Variants in BCAT1 observed in about 807,000 individuals in gnomAD.
BCAT1 encodes branched-chain-amino-acid aminotransferase, cytosolic.
BCAT1 carries 48 observed loss-of-function variants against 52.4 expected under a neutral mutation model. The observed-to-expected ratio is 0.92, with a 90% CI of 0.73 to 1.16. The LOEUF is 1.16. Ranked by LOEUF, BCAT1 falls within the 50% of genes most tolerant of loss-of-function variation. The probability of loss-of-function intolerance (pLI) is 0.00; values close to 1 mark genes in which losing one functional copy is unlikely to be tolerated. For missense variants in BCAT1, 451 were observed against 457.1 expected (o/e 0.99, Z 0.12); for synonymous variants, 167 against 161.3 (o/e 1.04, Z -0.27).
chr12:24,865,454 TATAAC>T (rs1452120177), intron 5 of BCAT1, among the ~76,000 whole-genome samples: 5 of 152,228 alleles, frequency 3.3e-5, no homozygotes, highest in African/African-American at 1.2e-4. Flanking sequence ...GGGATATAAC[TATAAC>T]ATAAATTTCT....
At chr12:24,876,133 A>G (rs1373374881) in intron 5 of BCAT1, among the ~76,000 whole-genome samples, 1 of 152,074 alleles carries the variant, frequency 6.6e-6, no homozygotes, top group Non-Finnish European at 1.5e-5. Flanking sequence ...TGTGTACTCA[A>G]AGTAAGTTTC....
At chr12:24,947,166 TCC>T (rs1491424890) in intron 1 of BCAT1, among the ~76,000 whole-genome samples, 4 of 92,486 alleles carry the variant, frequency 4.3e-5, no homozygotes, top group African/African-American at 8.9e-5. Flanking sequence ...CCGTCTTCCC[TCC>T]ACACACACAC....
intron 1 of BCAT1, among the ~76,000 whole-genome samples, chr12:24,928,319 G>A (rs1023164597): frequency 1.3e-5 from 2 of 152,042 alleles, no homozygotes. Context: ...TTATTGTCCT[G>A]TACCTAACTC....
At chr12:24,823,757 C>T (rs1214900768) in intron 10 of BCAT1, among the ~76,000 whole-genome samples, 1 of 152,170 alleles carries the variant, frequency 6.6e-6, no homozygotes, top group African/African-American at 2.4e-5. Flanking sequence ...TCCGCCATGA[C>T]TGTAAGTTTC....
chr12:24,840,214 T>C (rs1941133650), intron 7 of BCAT1, among the ~76,000 whole-genome samples: 1 of 152,250 alleles, frequency 6.6e-6, no homozygotes, highest in African/African-American at 2.4e-5. Flanking sequence ...GGTTAAATCA[T>C]GTAGCTCTGA....
At chr12:24,885,776 C>T (rs985637752) in intron 3 of BCAT1, among the ~76,000 whole-genome samples, 8 of 152,018 alleles carry the variant, frequency 5.3e-5, no homozygotes, top group South Asian at 2.1e-4. Context: ...CATGACATAT[C>T]AGAGGGGAAA....
At chr12:24,842,369 A>T in intron 6 of BCAT1, 145 bp from the exon 7 acceptor site, 2 of 863,292 alleles carry the variant, frequency 2.3e-6, no homozygotes, top group Admixed American at 6.3e-5. Context: ...CTCTCTAGTC[A>T]ACTGCATAAC....
chr12:24,927,636 C>G (rs1230142428), intron 1 of BCAT1, among the ~76,000 whole-genome samples: 1 of 152,306 alleles, frequency 6.6e-6, no homozygotes, highest in Middle Eastern at 3.4e-3. Context: ...GGAACTAACT[C>G]TGTAGATTAG....
intron 1 of BCAT1, among the ~76,000 whole-genome samples, chr12:24,944,764 C>A (rs542524032): frequency 1.3e-5 from 2 of 152,298 alleles, no homozygotes; most frequent in African/African-American, 2.4e-5. Context: ...CTGAGTTTTG[C>A]AAGTATTTCA....
intron 5 of BCAT1, among the ~76,000 whole-genome samples, chr12:24,873,439 A>C (rs1185421812): frequency 6.6e-6 from 1 of 152,218 alleles, no homozygotes; most frequent in Non-Finnish European, 1.5e-5. Flanking sequence ...ACTTTTTACA[A>C]GAAGTTTATA....
At chr12:24,821,423 C>A (rs1390185252) in intron 10 of BCAT1, among the ~76,000 whole-genome samples, 1 of 152,192 alleles carries the variant, frequency 6.6e-6, no homozygotes, top group South Asian at 2.1e-4. Flanking sequence ...ACATGCTCCC[C>A]CTGATACTTA....
chr12:24,878,742 A>G (rs1445166532), intron 4 of BCAT1, 93 bp from the exon 5 acceptor site: 11 of 1,202,878 alleles, frequency 9.1e-6, no homozygotes, highest in South Asian at 3.6e-5. Flanking sequence ...CTGTTAAAAA[A>G]TTAATAATCC....
chr12:24,920,746 G>T (rs931860648), intron 1 of BCAT1, among the ~76,000 whole-genome samples: 1 of 152,078 alleles, frequency 6.6e-6, no homozygotes, highest in African/African-American at 2.4e-5. Context: ...AGAGCACCCC[G>T]TCCTTCCAAC....
At chr12:24,876,486 A>C (rs1942347594) in intron 5 of BCAT1, among the ~76,000 whole-genome samples, 2 of 152,164 alleles carry the variant, frequency 1.3e-5, no homozygotes, top group African/African-American at 4.8e-5. Context: ...ATAAAGTACA[A>C]AACCACATAA....
At chr12:24,942,169 T>A (rs1004472255) in intron 1 of BCAT1, among the ~76,000 whole-genome samples, 1 of 151,988 alleles carries the variant, frequency 6.6e-6, no homozygotes, top group Non-Finnish European at 1.5e-5. Flanking sequence ...TGCAGGGCAA[T>A]GGGAAAGAGA....
rs551364337 is a variant in BCAT1, at chr12:24,889,632, C to G, written c.279+4643G>C. Among the ~76,000 whole-genome samples the G allele has an allele frequency of 2.0e-5, 3 of 152,286 alleles. No individual in the cohort carries two copies. The South Asian group carries it at 6.2e-4, about 32-fold the overall frequency. ...TTGTTATAATGCTGGGTGTGTTAGGCCTCAGGGGCAGGAAGCAGAATCTCT... is the reference window on the plus strand; with the variant it reads ...TTGTTATAATGCTGGGTGTGTTAGGGCTCAGGGGCAGGAAGCAGAATCTCT... On this transcript the variant is annotated intron_variant, in intron 3 of 10. Coordinates refer to ENST00000261192, the MANE Select transcript of BCAT1 (RefSeq NM_005504.7).
intron 3 of BCAT1, among the ~76,000 whole-genome samples, chr12:24,887,687 T>C (rs1284796223): frequency 1.3e-5 from 2 of 152,250 alleles, no homozygotes; most frequent in African/African-American, 4.8e-5. Flanking sequence ...CATTAAATAG[T>C]ACATACATGT....
chr12:24,934,137 C>T (rs1357751522), intron 1 of BCAT1, among the ~76,000 whole-genome samples: 3 of 152,162 alleles, frequency 2.0e-5, no homozygotes, highest in African/African-American at 7.2e-5. Flanking sequence ...AAAGAAAAGC[C>T]TTACCAAGGA....
intron 1 of BCAT1, among the ~76,000 whole-genome samples, chr12:24,920,745 C>T (rs1591876890): frequency 6.6e-6 from 1 of 152,282 alleles, no homozygotes; most frequent in South Asian, 2.1e-4. Flanking sequence ...AAGAGCACCC[C>T]GTCCTTCCAA....
Sources: gnomAD v4.1 joint callset for allele counts (sites outside exome capture counted in the v4.1 genomes callset) on GRCh38, gnomAD v4.1.1 for gene constraint, MANE v1.5 for transcripts, NCBI Gene and HGNC (gene_info 2026-07-23, HGNC 2026-07-21) for gene names.